Variants in SPON1 observed in about 807,000 individuals in gnomAD.
SPON1 encodes spondin 1.
In SPON1, 52 loss-of-function variants were observed where a neutral mutation model predicts 111.7. That is an observed-to-expected ratio of 0.47 (90% CI 0.37 to 0.59). The LOEUF is 0.59. Ranked by LOEUF, SPON1 falls within the 20% of genes least tolerant of loss-of-function variation. The probability of loss-of-function intolerance (pLI) is 0.00; values close to 1 mark genes in which losing one functional copy is unlikely to be tolerated. For missense variants in SPON1, 957 were observed against 1,068.5 expected, an observed-to-expected ratio of 0.90 and a Z score of 1.46; for synonymous variants, 410 against 395.8, an observed-to-expected ratio of 1.04 and a Z score of -0.43.
At chr11:14,035,850 T>C (rs1221201714) in intron 2 of SPON1, among the ~76,000 whole-genome samples, 1 of 152,072 alleles carries the variant, frequency 6.6e-6, no homozygotes, top group East Asian at 1.9e-4. Context: ...ACTCCTAAGC[T>C]CAAGCAATCC....
intron 7 of SPON1, among the ~76,000 whole-genome samples, chr11:14,248,468 C>A (rs1849017752): frequency 6.6e-6 from 1 of 152,080 alleles, no homozygotes; most frequent in Non-Finnish European, 1.5e-5. Flanking sequence ...CTTCCTGAGG[C>A]CTCCGTGGAA....
intron 3 of SPON1, among the ~76,000 whole-genome samples, chr11:14,054,512 T>C (rs570416445): frequency 1.3e-4 from 20 of 152,310 alleles, no homozygotes; most frequent in African/African-American, 4.8e-4. Context: ...CAGTTTTGGG[T>C]GCAGAACTAG....
At chr11:14,199,205 A>G (rs1009522740) in intron 6 of SPON1, among the ~76,000 whole-genome samples, 1 of 152,102 alleles carries the variant, frequency 6.6e-6, no homozygotes. Flanking sequence ...AGTCCCCTAG[A>G]TACTTTCTTA....
At chr11:14,150,539 A>C (rs1554929825) in intron 6 of SPON1, among the ~76,000 whole-genome samples, 1 of 152,190 alleles carries the variant, frequency 6.6e-6, no homozygotes, top group Non-Finnish European at 1.5e-5. Flanking sequence ...CATTGTGTAC[A>C]TGTATCAAAA....
chr11:14,094,795 G>A (rs1383732982), intron 5 of SPON1, among the ~76,000 whole-genome samples: 1 of 152,236 alleles, frequency 6.6e-6, no homozygotes, highest in African/African-American at 2.4e-5. Context: ...AGAGAGATAA[G>A]GCCATATGTG....
intron 6 of SPON1, among the ~76,000 whole-genome samples, chr11:14,180,093 G>C (rs1231102955): frequency 6.6e-6 from 1 of 152,030 alleles, no homozygotes; most frequent in African/African-American, 2.4e-5. Context: ...GATCTTCCCT[G>C]CCCCTCCCCA....
chr11:13,979,838 C>T (rs1848130571), intron 1 of SPON1, among the ~76,000 whole-genome samples: 1 of 152,138 alleles, frequency 6.6e-6, no homozygotes, highest in Admixed American at 6.5e-5. Flanking sequence ...TCCTCTGTTC[C>T]CTTTCCTCCA....
At chr11:14,047,731 G>A (rs1438797681) in intron 3 of SPON1, among the ~76,000 whole-genome samples, 1 of 152,200 alleles carries the variant, frequency 6.6e-6, no homozygotes, top group African/African-American at 2.4e-5. Context: ...TGGATAAAGT[G>A]AAAACTGAAG....
At chr11:14,204,913 T>C (rs1161192703) in intron 6 of SPON1, among the ~76,000 whole-genome samples, 1 of 150,994 alleles carries the variant, frequency 6.6e-6, no homozygotes, top group Non-Finnish European at 1.5e-5. Flanking sequence ...GGTCTTGATC[T>C]CCTGACCTCG....
intron 6 of SPON1, among the ~76,000 whole-genome samples, chr11:14,197,520 T>TAAATAAATAAAC (rs1554935216): frequency 4.1e-4 from 56 of 135,454 alleles, no homozygotes; most frequent in African/African-American, 8.9e-4. Context: ...AATAAATAAA[T>TAAATAAATAAAC]AAACAAGTGG....
chr11:14,079,694 T>TC (rs1268370790), intron 4 of SPON1, among the ~76,000 whole-genome samples: 1 of 80,226 alleles, frequency 1.2e-5, no homozygotes, highest in African/African-American at 1.1e-4. Flanking sequence ...AAAAGCTCTC[T>TC]TTTTTTTTTT....
chr11:14,090,823 G>GCCCCCCCCCCCC lies in SPON1; in HGVS notation c.676+10802_676+10803insCCCCCCCCCCCC, dbSNP rs1360339677. Among the ~76,000 whole-genome samples the GCCCCCCCCCCCC allele has an allele frequency of 1.1e-4, 3 of 27,054 alleles. 1 individual carries two copies. Among genetic ancestry groups the GCCCCCCCCCCCC allele is most frequent in the African/African-American group, 8.0e-4 (3 of 3,752 alleles). The allele number at this position is 27,054 out of a possible 152,430, so 17.7% of individuals were successfully genotyped here. ...GCAGCCTGCTTTTATTCTCTTATCT[G>GCCCCCCCCCCCC]GCCCCCCCCCCCCCCCCCCCCGCCC... is the stretch of plus-strand genomic sequence containing the variant. On this transcript the variant is annotated intron_variant, in intron 5 of 15. Transcript: ENST00000576479.
chr11:14,232,523 G>C (rs1458606165), intron 6 of SPON1, among the ~76,000 whole-genome samples: 2 of 152,074 alleles, frequency 1.3e-5, no homozygotes, highest in African/African-American at 4.8e-5. Context: ...CTGCAGCTCT[G>C]TCCTCTGCTT....
intron 6 of SPON1, among the ~76,000 whole-genome samples, chr11:14,221,438 A>G (rs1360775448): frequency 1.3e-5 from 2 of 152,228 alleles, no homozygotes; most frequent in Admixed American, 1.3e-4. Flanking sequence ...GCCTGTCTTA[A>G]TTCAAGGCCT....
Position 14,024,219 on chromosome 11 carries a change from G to C in SPON1, c.346-17302G>C, listed in dbSNP as rs180719264. On this transcript the variant is annotated intron_variant, in intron 2 of 15. Coordinates refer to ENST00000576479, the MANE Select transcript of SPON1 (RefSeq NM_006108.4). ...AGTGCTTACGACTCTTGAAGCCCCA[G>C]TGGGTGTGTGTTACAGTGTGCTCTT... Among the ~76,000 whole-genome samples the C allele has an allele frequency of 3.0e-3, 459 of 152,326 alleles. 1 individual carries two copies. Among genetic ancestry groups the C allele is most frequent in the African/African-American group, 0.01 (436 of 41,576 alleles).
chr11:14,113,568 A>ATTTTTTTTTTTTTTTT (rs782780924), intron 5 of SPON1, among the ~76,000 whole-genome samples: 5 of 74,760 alleles, frequency 6.7e-5, no homozygotes, highest in Non-Finnish European at 1.3e-4. Context: ...TACTTTTTAA[A>ATTTTTTTTTTTTTTTT]TTTTTTTTTT....
At chr11:14,171,048 G>A (rs1848092918) in intron 6 of SPON1, among the ~76,000 whole-genome samples, 1 of 152,116 alleles carries the variant, frequency 6.6e-6, no homozygotes, top group African/African-American at 2.4e-5. Context: ...TCTATTGATT[G>A]GAATAGTTTC....
At chr11:14,220,161 C>T (rs1253727326) in intron 6 of SPON1, among the ~76,000 whole-genome samples, 1 of 151,848 alleles carries the variant, frequency 6.6e-6, no homozygotes, top group Admixed American at 6.6e-5. Context: ...ACATAAAGTC[C>T]ACTTGGCATT....
intron 2 of SPON1, among the ~76,000 whole-genome samples, chr11:14,036,700 AAG>A (rs1848596723): frequency 6.6e-6 from 1 of 152,192 alleles, no homozygotes; most frequent in Non-Finnish European, 1.5e-5. Flanking sequence ...CCTACAGATA[AAG>A]AATCAAGTCA....
Sources: allele counts gnomAD v4.1 joint callset (sites outside exome capture counted in the v4.1 genomes callset), GRCh38; gene constraint gnomAD v4.1.1; transcripts MANE v1.5; gene names NCBI Gene and HGNC (gene_info 2026-07-23, HGNC 2026-07-21).